NR2E1: variants seen among roughly 807,000 people sequenced by gnomAD.
NR2E1 encodes nuclear receptor subfamily 2 group E member 1.
A neutral mutation model predicts 43.6 loss-of-function variants in NR2E1; 5 were observed. The observed-to-expected ratio is 0.11, with a 90% CI of 0.06 to 0.24. The LOEUF is 0.24. Ranked by LOEUF, NR2E1 falls within the 10% of genes least tolerant of loss-of-function variation. The probability of loss-of-function intolerance (pLI) is 1.00; values close to 1 mark genes in which losing one functional copy is unlikely to be tolerated. For missense variants in NR2E1, 287 were observed against 496.7 expected, an observed-to-expected ratio of 0.58 and a Z score of 4.01; for synonymous variants, 191 against 195.5, an observed-to-expected ratio of 0.98 and a Z score of 0.19.
Position 108,169,811 on chromosome 6 carries a change from G to A in NR2E1, c.26-1647G>A, listed in dbSNP as rs1247406308. 6.6e-6 allele frequency among the ~76,000 whole-genome samples: 1 copy of A among 151,882 alleles called. No individual in the cohort carries two copies. The highest frequency in any genetic ancestry group is 6.6e-5 in the Admixed American group (1 of 15,244). On this transcript the variant is annotated intron_variant, in intron 1 of 8. Transcript: ENST00000368986. The surrounding 1 kb of genome is among the most constrained non-coding windows in gnomAD (Gnocchi z 6.1). ...GGGGCGCCGAGCCGGTGGCCGCCGC[G>A]CCGCGCGCCTCCCCTGCCCGCCTTT...
At chr6:108,171,223 A>G (rs1038679537) in intron 1 of NR2E1, among the ~76,000 whole-genome samples, 1 of 152,232 alleles carries the variant, frequency 6.6e-6, no homozygotes, top group African/African-American at 2.4e-5. Flanking sequence ...AGAGAACCAA[A>G]TACATGTAGC....
At position 108,187,244 on chromosome 6, in the gene NR2E1, G is replaced by A. The variant is rs1035122407; in HGVS notation, c.996-57G>A. 37 of 1,582,238 alleles carry A rather than the reference G, an allele frequency of 2.3e-5. No homozygotes were observed. In the Admixed American group the frequency reaches 3.7e-4, roughly 16 times the overall value. ...GATGATGTGTGTTCAAGTGTAAGACGTTAGTTTCCATAAGTAATGGCCTCT... is the reference window on the plus strand; with the variant it reads ...GATGATGTGTGTTCAAGTGTAAGACATTAGTTTCCATAAGTAATGGCCTCT... On this transcript the variant is annotated intron_variant, in intron 8 of 8. Transcript: ENST00000368986.
At chr6:108,182,602 A>G (rs570039168) in intron 8 of NR2E1, among the ~76,000 whole-genome samples, 1 of 135,258 alleles carries the variant, frequency 7.4e-6, no homozygotes, top group African/African-American at 2.9e-5. Context: ...TCTTTCACCC[A>G]GGCTGGAGTG....
chr6:108,176,270 C>T, intron 3 of NR2E1: 1 of 590,670 alleles, frequency 1.7e-6, no homozygotes, highest in East Asian at 2.8e-5. Context: ...TATCGTGGCA[C>T]TTTGAGCACG....
intron 1 of NR2E1, among the ~76,000 whole-genome samples, chr6:108,168,452 C>T (rs1053837227): frequency 6.6e-6 from 1 of 152,230 alleles, no homozygotes; most frequent in Non-Finnish European, 1.5e-5. Context: ...TGCCCGCCTG[C>T]GGCTGCGCCC....
intron 8 of NR2E1, among the ~76,000 whole-genome samples, chr6:108,186,445 C>T (rs1346519768): frequency 6.6e-6 from 1 of 152,198 alleles, no homozygotes; most frequent in African/African-American, 2.4e-5. Flanking sequence ...TATCCCTTAG[C>T]TTCTAGCACC....
chr6:108,174,503 G>A (rs772556182), intron 2 of NR2E1, among the ~76,000 whole-genome samples: 2 of 152,058 alleles, frequency 1.3e-5, no homozygotes, highest in African/African-American at 4.8e-5. Context: ...CGCGACTGGC[G>A]GAAGTTCCCC....
At position 108,182,433 on chromosome 6, in the gene NR2E1, C is replaced by T. The variant is rs188044305; in HGVS notation, c.995+782C>T. The stretch of plus-strand genomic sequence containing the variant: ...TTGCTCTGTTGCCCAGGCTGGAAGG[C>T]TGAAGTGCAGTGGCATGTGAGCATG... On this transcript the variant is annotated intron_variant, in intron 8 of 8. Transcript: ENST00000368986. 9.2e-4 allele frequency among the ~76,000 whole-genome samples: 140 copies of T among 151,652 alleles called. 1 individual carries two copies. The highest frequency in any genetic ancestry group is 3.2e-3 in the African/African-American group (131 of 41,362).
chr6:108,168,972 C>G (rs1773759843), intron 1 of NR2E1: 1 of 152,358 alleles, frequency 6.6e-6, no homozygotes, highest in East Asian at 1.9e-4. Context: ...TTATGACACA[C>G]AAAAAGCCCC....
intron 2 of NR2E1, among the ~76,000 whole-genome samples, chr6:108,174,494 G>A (rs1290147978): frequency 6.6e-6 from 1 of 152,054 alleles, no homozygotes; most frequent in Non-Finnish European, 1.5e-5. Flanking sequence ...CCACCACTCC[G>A]CGACTGGCGG....
chr6:108,167,020 G>C (rs1181935785), intron 1 of NR2E1, among the ~76,000 whole-genome samples: 1 of 152,108 alleles, frequency 6.6e-6, no homozygotes, highest in African/African-American at 2.4e-5. Context: ...GTCTGGTGCG[G>C]TGAGAAGGTT....
At chr6:108,182,925 T>C (rs1224769288) in intron 8 of NR2E1, among the ~76,000 whole-genome samples, 1 of 152,044 alleles carries the variant, frequency 6.6e-6, no homozygotes, top group Non-Finnish European at 1.5e-5. Flanking sequence ...GGTCTCGAAC[T>C]CCTGGCCTCA....
intron 1 of NR2E1, chr6:108,168,131 A>G: frequency 6.3e-7 from 1 of 1,599,704 alleles, no homozygotes; most frequent in Non-Finnish European, 8.5e-7. Context: ...GCTCGGGCCT[A>G]CCCTGGCCCT....
At chr6:108,176,413 G>A in intron 3 of NR2E1, 90 bp from the exon 4 acceptor site, 1 of 1,348,976 alleles carries the variant, frequency 7.4e-7, no homozygotes, top group South Asian at 1.2e-5. Context: ...GCCCAGACTT[G>A]ACATTGGGGC....
intron 2 of NR2E1, among the ~76,000 whole-genome samples, chr6:108,173,697 A>AAAT (rs1365375963): frequency 1.3e-5 from 2 of 152,244 alleles, no homozygotes; most frequent in East Asian, 3.8e-4. Context: ...CTTTCTTCTC[A>AAAT]CTACAAATCT....
chr6:108,175,661 A>G (rs906037635), intron 3 of NR2E1, among the ~76,000 whole-genome samples: 68 of 152,272 alleles, frequency 4.5e-4, no homozygotes, highest in African/African-American at 1.5e-3. Flanking sequence ...AGGCCCAGGC[A>G]GGGGGCGAGG....
At chr6:108,173,059 G>A (rs1773838662) in intron 2 of NR2E1, among the ~76,000 whole-genome samples, 1 of 152,296 alleles carries the variant, frequency 6.6e-6, no homozygotes, top group Non-Finnish European at 1.5e-5. Context: ...TTTAGAAGGG[G>A]ATGGCTATCA....
rs41287532 is a variant in NR2E1, at chr6:108,166,182, C to T, written c.-584C>T. On this transcript the variant is annotated 5_prime_UTR_variant, in exon 1 of 9. Transcript: ENST00000368986. The surrounding 1 kb of genome is among the most constrained non-coding windows in gnomAD (Gnocchi z 7.2). ...AAACCCGGACCTGGCCGCCTCTTCCCTCGGAAGATTTCCCAGCAATCTAGT... is the reference window on the plus strand; with the variant it reads ...AAACCCGGACCTGGCCGCCTCTTCCTTCGGAAGATTTCCCAGCAATCTAGT... The T allele has an allele frequency of 2.0e-5, 3 of 152,896 alleles. No individual in the cohort carries two copies. The highest frequency in any genetic ancestry group is 1.3e-4 in the Admixed American group (2 of 15,310). 9.5% of individuals were successfully genotyped at this position (152,896 alleles called of 1,614,324 possible). A position where few individuals can be genotyped will look rare whatever the true frequency, so the allele number is the denominator to read the frequency against.
intron 1 of NR2E1, among the ~76,000 whole-genome samples, chr6:108,167,032 C>A (rs1235405490): frequency 6.6e-6 from 1 of 152,040 alleles, no homozygotes; most frequent in African/African-American, 2.4e-5. Context: ...GAGAAGGTTA[C>A]GACCCGCGCA....
Sources: gnomAD v4.1 joint callset for allele counts (sites outside exome capture counted in the v4.1 genomes callset) on GRCh38, gnomAD v4.1.1 for gene constraint, Gnocchi (gnomAD v3.1) non-coding constraint, MANE v1.5 for transcripts, NCBI Gene and HGNC (gene_info 2026-07-23, HGNC 2026-07-21) for gene names.